BRSK1: variants seen among roughly 807,000 people sequenced by gnomAD.
BRSK1 encodes BR serine/threonine kinase 1.
In BRSK1, 17 loss-of-function variants were observed where a neutral mutation model predicts 86.2. The observed-to-expected ratio is 0.20, with a 90% CI of 0.14 to 0.30. The LOEUF is 0.30. BRSK1 is among the 10% of genes least tolerant of loss of function. The pLI is 1.00. For missense variants in BRSK1, 719 were observed against 1,071.9 expected (o/e 0.67, Z 4.60); for synonymous variants, 464 against 440.1 (o/e 1.05, Z -0.68).
At chr19:55,290,310 T>C (rs1165523543) in intron 4 of BRSK1, among the ~76,000 whole-genome samples, 1 of 152,184 alleles carries the variant, frequency 6.6e-6, no homozygotes, top group Non-Finnish European at 1.5e-5. Context: ...TGCCCATCTT[T>C]AATTCAGTTA....
intron 1 of BRSK1, 137 bp downstream of exon 1, chr19:55,284,715 C>A: frequency 1.4e-6 from 1 of 739,500 alleles, no homozygotes; most frequent in African/African-American, 1.8e-5. Context: ...ACTTGGGATT[C>A]AGACTCCTGG....
rs1328749504 is a variant in BRSK1, at chr19:55,284,333, G to A, written c.-110G>A. Reference sequence around the variant, plus strand: ...CCTGGGGACCCCCGGAGAGGTGGGGGGCAGCCGGGGGGGCCGGGACGGAGC... The same window carrying A: ...CCTGGGGACCCCCGGAGAGGTGGGGAGCAGCCGGGGGGGCCGGGACGGAGC... On this transcript the variant is annotated 5_prime_UTR_variant, in exon 1 of 19. Coordinates refer to ENST00000309383, the MANE Select transcript of BRSK1 (RefSeq NM_032430.2). 4.5e-6 allele frequency: 4 copies of A among 885,806 alleles called. No individual in the cohort carries two copies. Among genetic ancestry groups the A allele is most frequent in the Non-Finnish European group, 6.0e-6 (4 of 669,048 alleles). The allele number at this position is 885,806 out of a possible 1,614,324, so 54.9% of individuals were successfully genotyped here.
At position 55,305,001 on chromosome 19, in the gene BRSK1, G is replaced by A. The variant is rs181020320; in HGVS notation, c.1717+81G>A. On this transcript the variant is annotated intron_variant, in intron 14 of 18. Transcript: ENST00000309383. ...CTGGTTCCAGGGATGTCCGTCTGGC[G>A]TGTCTAGAGAGGAAGGGACTGGGGG... 6.8e-4 allele frequency: 1,067 copies of A among 1,567,212 alleles called. 2 individuals carry two copies. Among genetic ancestry groups the A allele is most frequent in the South Asian group, 6.3e-3 (541 of 86,552 alleles).
At chr19:55,296,864 A>G (rs2088496733) in intron 7 of BRSK1, among the ~76,000 whole-genome samples, 1 of 151,552 alleles carries the variant, frequency 6.6e-6, no homozygotes, top group South Asian at 2.1e-4. Context: ...AATGAAAAAA[A>G]AATTAGCCAG....
intron 3 of BRSK1, 110 bp from the exon 4 acceptor site, chr19:55,289,370 A>T (rs941886018): frequency 3.1e-6 from 4 of 1,288,462 alleles, no homozygotes; most frequent in African/African-American, 1.5e-5. Flanking sequence ...TCTCCCAAGG[A>T]TCATGGGAAT....
Position 55,304,231 on chromosome 19 carries a change from G to C in BRSK1, c.1347+121G>C. The C allele has an allele frequency of 9.1e-7, 1 of 1,103,912 alleles. No homozygotes were observed. The highest frequency in any genetic ancestry group is 1.3e-6 in the Non-Finnish European group (1 of 781,668). 68.4% of individuals were successfully genotyped at this position (1,103,912 alleles called of 1,614,324 possible). On this transcript the variant is annotated intron_variant, in intron 13 of 18. Coordinates refer to ENST00000309383, the MANE Select transcript of BRSK1 (RefSeq NM_032430.2). The surrounding 1 kb of genome is among the most constrained non-coding windows in gnomAD (Gnocchi z 5.2). The stretch of plus-strand genomic sequence containing the variant: ...TGAGACTTGCTTCTTTGTCCCTGGA[G>C]GGCCAAAGACCCAAGGCCTCCAAAG...
At chr19:55,307,122 G>A (rs908760265) in intron 17 of BRSK1, among the ~76,000 whole-genome samples, 1 of 152,200 alleles carries the variant, frequency 6.6e-6, no homozygotes, top group African/African-American at 2.4e-5. Flanking sequence ...GAGGGATATC[G>A]CCGATCTCTT....
In BRSK1 at chr19:55,305,367, G is replaced by A. The variant is rs1156367389; in HGVS notation, c.1764G>A (p.Pro588=). ...CCAGCTTGACGCCAGAGTCCTCCCC[G>A]GAGTGAGTCTCACAGGGAAGGAAAG... is the stretch of plus-strand genomic sequence containing the variant. ...EMSSLTPESS[P]ELAKRSWFGN... Residue 588 remains proline, a splice_region_variant and synonymous_variant, in exon 15 of 19, where the codon CCG becomes CCA. Transcript: ENST00000309383. 4 of 1,614,136 alleles carry A rather than the reference G, an allele frequency of 2.5e-6. No individual in the cohort carries two copies. Among genetic ancestry groups the A allele is most frequent in the East Asian group, 2.2e-5 (1 of 44,874 alleles).
In BRSK1 at chr19:55,302,022, G is replaced by A; in HGVS notation, c.826-115G>A. 8.3e-7 allele frequency: 1 copy of A among 1,207,372 alleles called. No individual in the cohort carries two copies. The allele number at this position is 1,207,372 out of a possible 1,614,324, so 74.8% of individuals were successfully genotyped here. Reference sequence around the variant, plus strand: ...CGATGTAATATGTCATCCTGCCCCCGGTGGGGTGGGCGGGGAGATGATCAG... The same window carrying A: ...CGATGTAATATGTCATCCTGCCCCCAGTGGGGTGGGCGGGGAGATGATCAG... On this transcript the variant is annotated intron_variant, in intron 8 of 18. Coordinates refer to ENST00000309383, the MANE Select transcript of BRSK1 (RefSeq NM_032430.2). The surrounding 1 kb of genome is among the most constrained non-coding windows in gnomAD (Gnocchi z 6.3).
At chr19:55,297,180 G>GA (rs1264582771) in intron 7 of BRSK1, among the ~76,000 whole-genome samples, 3 of 151,892 alleles carry the variant, frequency 2.0e-5, no homozygotes, top group African/African-American at 7.2e-5. Flanking sequence ...GGATTCAAGC[G>GA]ATTCTCCTGC....
intron 4 of BRSK1, among the ~76,000 whole-genome samples, chr19:55,293,105 A>T (rs1449672512): frequency 6.6e-6 from 1 of 152,140 alleles, no homozygotes; most frequent in Non-Finnish European, 1.5e-5. Context: ...CACCCCTGTA[A>T]TTCCAGCACT....
Position 55,303,158 on chromosome 19 carries a change from G to T in BRSK1, c.1029-153G>T, listed in dbSNP as rs1289809507. 3.0e-6 allele frequency: 2 copies of T among 666,836 alleles called. No individual in the cohort carries two copies. Among genetic ancestry groups the T allele is most frequent in the Non-Finnish European group, 5.1e-6 (2 of 391,038 alleles). 41.3% of individuals were successfully genotyped at this position (666,836 alleles called of 1,614,324 possible). On this transcript the variant is annotated intron_variant, in intron 10 of 18. Transcript: ENST00000309383. This position sits in a 1 kb window ranked among gnomAD's most constrained non-coding sequence, Gnocchi z 5.1. Reference sequence around the variant, plus strand: ...TAATTGAGTGAAACACAGCTGAGATGTACCCTAAACCAGAGAAACTGACCA... The same window carrying T: ...TAATTGAGTGAAACACAGCTGAGATTTACCCTAAACCAGAGAAACTGACCA...
intron 7 of BRSK1, among the ~76,000 whole-genome samples, chr19:55,301,090 C>G (rs999822977): frequency 6.6e-6 from 1 of 152,234 alleles, no homozygotes; most frequent in Non-Finnish European, 1.5e-5. Context: ...TCTCTGCTCC[C>G]ATTGCACCTC....
chr19:55,304,681 CGCCCCCCAGTGCCCGCTCCACACCCCT>C lies in BRSK1; in HGVS notation c.1483_1509del (p.Pro495_Pro503del). 1.3e-6 allele frequency: 2 copies of C among 1,484,156 alleles called. No individual in the cohort carries two copies. The highest frequency in any genetic ancestry group is 1.8e-6 in the Non-Finnish European group (2 of 1,125,206). 91.9% of individuals were successfully genotyped at this position (1,484,156 alleles called of 1,614,324 possible). On this transcript the variant is annotated inframe_deletion, in exon 14 of 19. Transcript: ENST00000309383. The surrounding 1 kb of genome is among the most constrained non-coding windows in gnomAD (Gnocchi z 5.2). Reference sequence around the variant, plus strand: ...GGTGGGGGCGCCGGGGAGCAGCCCCCGCCCCCCAGTGCCCGCTCCACACCCCTGCCCGGCCCCCCAGGCTCCCCGCGC... The same window carrying C: ...GGTGGGGGCGCCGGGGAGCAGCCCCCGCCCGGCCCCCCAGGCTCCCCGCGC...
intron 7 of BRSK1, among the ~76,000 whole-genome samples, chr19:55,297,221 C>A (rs562790304): frequency 6.5e-4 from 99 of 152,010 alleles, no homozygotes; most frequent in Non-Finnish European, 1.1e-3. Context: ...GGACTACAGG[C>A]ATGTGCCACC....
chr19:55,298,824 G>A (rs567254801), intron 7 of BRSK1, among the ~76,000 whole-genome samples: 4 of 152,306 alleles, frequency 2.6e-5, no homozygotes, highest in Admixed American at 6.5e-5. Context: ...GTTCCTAAGC[G>A]CGGGAGGCTG....
intron 7 of BRSK1, among the ~76,000 whole-genome samples, chr19:55,297,582 C>G (rs1294671733): frequency 6.6e-6 from 1 of 152,172 alleles, no homozygotes; most frequent in Non-Finnish European, 1.5e-5. Flanking sequence ...GCTCACCACT[C>G]CATGGGGAGA....
At chr19:55,292,326 T>A (rs191502548) in intron 4 of BRSK1, among the ~76,000 whole-genome samples, 139 of 152,296 alleles carry the variant, frequency 9.1e-4, no homozygotes, top group African/African-American at 3.2e-3. Context: ...TACCTCAAAA[T>A]AGCTCACTTT....
At chr19:55,291,294 T>G (rs2088402222) in intron 4 of BRSK1, among the ~76,000 whole-genome samples, 1 of 152,034 alleles carries the variant, frequency 6.6e-6, no homozygotes, top group Non-Finnish European at 1.5e-5. Context: ...ATCCCAGCAC[T>G]TTGGGAGGCC....
Sources: allele counts gnomAD v4.1 joint callset (sites outside exome capture counted in the v4.1 genomes callset), GRCh38; gene constraint gnomAD v4.1.1; non-coding constraint Gnocchi (gnomAD v3.1); transcripts MANE v1.5; gene names NCBI Gene and HGNC (gene_info 2026-07-23, HGNC 2026-07-21).